Variants in GPD2 observed in about 807,000 individuals in gnomAD.
GPD2 encodes the protein glycerol-3-phosphate dehydrogenase 2.
In GPD2, 54 loss-of-function variants were observed where a neutral mutation model predicts 82.4. That is an observed-to-expected ratio of 0.66 (90% CI 0.53 to 0.82). GPD2 has a LOEUF of 0.82. Among genes scored for constraint, GPD2 ranks in the 40% least tolerant of loss-of-function variants. The pLI is 0.00. For synonymous variants in GPD2, 288 were observed against 306.1 expected, an observed-to-expected ratio of 0.94 and a Z score of 0.62; for missense variants, 748 against 896.2, an observed-to-expected ratio of 0.83 and a Z score of 2.11.
chr2:156,528,414 T>A (rs1421673376), intron 6 of GPD2, among the ~76,000 whole-genome samples: 2 of 151,406 alleles, frequency 1.3e-5, no homozygotes, highest in African/African-American at 4.8e-5. Flanking sequence ...TTTTTTCTTT[T>A]TTTCTTTTAT....
At chr2:156,417,413 C>G in the GPD2 span, among the ~76,000 whole-genome samples, 1 of 152,038 alleles carries the variant, frequency 6.6e-6, no homozygotes, top group African/African-American at 2.4e-5. Context: ...AAACATATGT[C>G]AGGAGAGGCA....
intron 9 of GPD2, among the ~76,000 whole-genome samples, chr2:156,564,110 TTTTG>T (rs1208116795): frequency 2.0e-5 from 3 of 152,148 alleles, no homozygotes; most frequent in Non-Finnish European, 4.4e-5. Flanking sequence ...ATTTGGGTTT[TTTTG>T]TTTGTTAAGT....
At chr2:156,559,692 G>T (rs1394906751) in intron 9 of GPD2, among the ~76,000 whole-genome samples, 3 of 151,914 alleles carry the variant, frequency 2.0e-5, no homozygotes, top group Non-Finnish European at 2.9e-5. Context: ...GAGTCTCTTT[G>T]GATATCTACA....
At chr2:156,539,095 A>G (rs1376106545) in intron 6 of GPD2, among the ~76,000 whole-genome samples, 2 of 152,182 alleles carry the variant, frequency 1.3e-5, no homozygotes, top group Non-Finnish European at 2.9e-5. Context: ...AGGAATGTTT[A>G]TGATTGAGGT....
intron 1 of GPD2, among the ~76,000 whole-genome samples, chr2:156,448,069 C>A (rs534736405): frequency 6.6e-6 from 1 of 152,074 alleles, no homozygotes; most frequent in East Asian, 1.9e-4. Context: ...ATCATCCATC[C>A]ATTTGTTTGT....
chr2:156,511,072 AG>A, intron 4 of GPD2, 152 bp downstream of exon 4: 1 of 762,910 alleles, frequency 1.3e-6, no homozygotes, highest in South Asian at 1.5e-5. Flanking sequence ...CTTTCAGGAG[AG>A]GTGTGTCAGT....
intron 1 of GPD2, among the ~76,000 whole-genome samples, chr2:156,465,246 A>C (rs986639663): frequency 7.0e-6 from 1 of 143,520 alleles, no homozygotes; most frequent in Non-Finnish European, 1.5e-5. Context: ...ATAAATTTTG[A>C]GGGAAGGCTT....
At chr2:156,456,329 C>T (rs534430063) in intron 1 of GPD2, among the ~76,000 whole-genome samples, 11 of 151,992 alleles carry the variant, frequency 7.2e-5, no homozygotes, top group African/African-American at 1.9e-4. Flanking sequence ...TTGGGCCAGG[C>T]GCGGTGGCTC....
At chr2:156,527,507 A>G (rs565990385) in intron 6 of GPD2, among the ~76,000 whole-genome samples, 1 of 152,236 alleles carries the variant, frequency 6.6e-6, no homozygotes, top group South Asian at 2.1e-4. Flanking sequence ...TTGCACATTA[A>G]AAAACATACA....
intron 1 of GPD2, among the ~76,000 whole-genome samples, chr2:156,452,835 T>A (rs1336166810): frequency 1.3e-5 from 2 of 152,116 alleles, no homozygotes; most frequent in Non-Finnish European, 2.9e-5. Flanking sequence ...GGTCTTTACT[T>A]GAAACAGGCA....
intron 2 of GPD2, chr2:156,495,819 G>A (rs1353862281): frequency 3.8e-6 from 2 of 526,042 alleles, no homozygotes; most frequent in Non-Finnish European, 6.9e-6. Context: ...TCTGAAACCA[G>A]GTGTCCTATG....
intron 9 of GPD2, among the ~76,000 whole-genome samples, chr2:156,566,131 G>A (rs1687380642): frequency 6.6e-6 from 1 of 152,062 alleles, no homozygotes; most frequent in African/African-American, 2.4e-5. Context: ...CATATTCTAT[G>A]TAAAATATTT....
intron 6 of GPD2, among the ~76,000 whole-genome samples, chr2:156,543,575 A>G (rs1257809841): frequency 6.6e-6 from 1 of 152,236 alleles, no homozygotes; most frequent in Non-Finnish European, 1.5e-5. Context: ...AAATGTATGT[A>G]CAAAGTTCTC....
chr2:156,476,387 C>T (rs577579835), intron 2 of GPD2, among the ~76,000 whole-genome samples, 180 bp downstream of exon 2: 2 of 152,166 alleles, frequency 1.3e-5, no homozygotes, highest in African/African-American at 4.8e-5. Flanking sequence ...GTGTGTATCT[C>T]CTTTTTTAAA....
the GPD2 span, among the ~76,000 whole-genome samples, chr2:156,403,612 GGTGT>G: frequency 7.8e-4 from 115 of 148,002 alleles, no homozygotes; most frequent in African/African-American, 2.8e-3. Context: ...GCATTCAAAG[GGTGT>G]GTGTGTGTGT....
intron 6 of GPD2, among the ~76,000 whole-genome samples, chr2:156,520,906 T>A (rs1320440015): frequency 6.6e-6 from 1 of 152,172 alleles, no homozygotes; most frequent in Non-Finnish European, 1.5e-5. Context: ...ATTTTTAAAC[T>A]TTGTAAAAGT....
intron 6 of GPD2, among the ~76,000 whole-genome samples, chr2:156,537,863 G>A (rs1686140449): frequency 6.6e-6 from 1 of 152,276 alleles, no homozygotes; most frequent in African/African-American, 2.4e-5. Flanking sequence ...TAGAATATTA[G>A]AAAAGTCTTT....
rs1335346777 is a variant in GPD2, at chr2:156,550,631, G to A, written c.856G>A (p.Val286Ile). Reference protein sequence around the residue: ...GQEFDVRAKCVINATGPFTDS... With the variant: ...GQEFDVRAKCIINATGPFTDS... ...GGAATTTGACGTGAGAGCCAAATGT[G>A]TTATCAATGCCACGGGACCTTTCAC... The change falls in exon 8 of 17, where the codon GTT becomes ATT. Residue 286 changes from valine to isoleucine, a missense_variant. Val to Ile is a conservative substitution (Grantham distance 29). Coordinates refer to ENST00000438166, the MANE Select transcript of GPD2 (RefSeq NM_000408.5). 6 of 1,614,064 alleles carry A rather than the reference G, an allele frequency of 3.7e-6. No homozygotes were observed. The highest frequency in any genetic ancestry group is 5.1e-6 in the Non-Finnish European group (6 of 1,179,904).
chr2:156,498,272 C>T (rs922462736), intron 3 of GPD2, among the ~76,000 whole-genome samples: 1 of 152,140 alleles, frequency 6.6e-6, no homozygotes, highest in Admixed American at 6.6e-5. Flanking sequence ...AGTGTGCCCA[C>T]AGTTCTATAG....
Sources: allele counts gnomAD v4.1 joint callset (sites outside exome capture counted in the v4.1 genomes callset), GRCh38; gene constraint gnomAD v4.1.1; transcripts MANE v1.5; gene names NCBI Gene and HGNC (gene_info 2026-07-23, HGNC 2026-07-21).